SEL1L: variants seen among roughly 807,000 people sequenced by gnomAD.
The protein encoded by SEL1L is protein sel-1 homolog 1.
Under a neutral mutation model 109.8 loss-of-function variants are expected in SEL1L, and 52 were observed. The ratio of observed to expected loss-of-function variants is 0.47; its 90% confidence interval spans 0.38 to 0.60. SEL1L has a LOEUF of 0.60. Ranked by LOEUF, SEL1L falls within the 20% of genes least tolerant of loss-of-function variation. The pLI, the probability that SEL1L is intolerant of heterozygous loss-of-function variation, is 0.00. For missense variants in SEL1L, 749 were observed against 962.2 expected, an observed-to-expected ratio of 0.78 and a Z score of 2.93; for synonymous variants, 373 against 339.6, an observed-to-expected ratio of 1.10 and a Z score of -1.08.
chr14:81,528,533 T>C (rs1030749149), intron 1 of SEL1L, among the ~76,000 whole-genome samples: 1 of 152,196 alleles, frequency 6.6e-6, no homozygotes, highest in Non-Finnish European at 1.5e-5. Flanking sequence ...CTCTTCTTCC[T>C]GCTCTTACAT....
chr14:81,479,697 G>C lies in SEL1L; in HGVS notation c.2090C>G (p.Ala697Gly). 1 of 1,613,918 alleles carries C rather than the reference G, an allele frequency of 6.2e-7. No individual in the cohort carries two copies. The highest frequency in any genetic ancestry group is 8.5e-7 in the Non-Finnish European group (1 of 1,179,914). The stretch of plus-strand genomic sequence containing the variant: ...GACTGGAACTTGTGCATCTGGGCTG[G>C]CTTCAGCTGCCATGTCATAAAAACG... The part of the protein sequence containing the change: ...AKRFYDMAAE[A>G]SPDAQVPVFL... Residue 697 changes from alanine to glycine, a missense_variant, in exon 20 of 21, where the codon GCC (alanine) becomes GGC (glycine). By Grantham distance (60) the Ala-to-Gly change is moderately conservative. Around this residue, in one of 2 missense-constraint regions of SEL1L, gnomAD observed 383 missense variants for 562.5 expected, o/e 0.68. Transcript: ENST00000336735.
intron 10 of SEL1L, among the ~76,000 whole-genome samples, chr14:81,496,045 C>T (rs150352063): frequency 1.3e-5 from 2 of 152,086 alleles, no homozygotes; most frequent in South Asian, 2.1e-4. Context: ...GAATTTGGGC[C>T]GGGCGCGGTG....
chr14:81,516,869 T>G (rs1204491743), intron 3 of SEL1L, among the ~76,000 whole-genome samples: 1 of 152,186 alleles, frequency 6.6e-6, no homozygotes, highest in Non-Finnish European at 1.5e-5. Context: ...CCTTGTTTCC[T>G]CCAGACTTCC....
At chr14:81,505,874 G>A (rs576667503) in intron 4 of SEL1L, among the ~76,000 whole-genome samples, 200 bp downstream of exon 4, 34 of 152,258 alleles carry the variant, frequency 2.2e-4, no homozygotes, top group African/African-American at 7.0e-4. Context: ...TAAATAAAAC[G>A]TGAGTGTGAC....
In SEL1L at chr14:81,479,892, T is replaced by C. The variant is rs1183472538; in HGVS notation, c.2047-152A>G. On this transcript the variant is annotated intron_variant, in intron 19 of 20. Coordinates refer to ENST00000336735, the MANE Select transcript of SEL1L (RefSeq NM_005065.6). ...ACAAAAATGCCAAGCTTTACTTGGGTAAAATTCGTTTAATTATCTAACTGC... is the reference window on the plus strand; with the variant it reads ...ACAAAAATGCCAAGCTTTACTTGGGCAAAATTCGTTTAATTATCTAACTGC... The C allele has an allele frequency of 1.0e-5, 7 of 701,036 alleles. No homozygotes were observed. The East Asian group carries it at 1.7e-4, about 17-fold the overall frequency. 43.4% of individuals were successfully genotyped at this position (701,036 alleles called of 1,614,324 possible). A position where few individuals can be genotyped will look rare whatever the true frequency, so the allele number is the denominator to read the frequency against.
intron 9 of SEL1L, 113 bp downstream of exon 9, chr14:81,498,300 C>T (rs1883859200): frequency 2.2e-6 from 2 of 898,582 alleles, no homozygotes; most frequent in African/African-American, 3.4e-5. Flanking sequence ...AAAGATGAGT[C>T]CACATAAAAG....
chr14:81,486,494 TAAGA>T (rs777018489), intron 16 of SEL1L, 40 bp from the exon 17 acceptor site: 1 of 1,597,552 alleles, frequency 6.3e-7, no homozygotes, highest in South Asian at 1.1e-5. Flanking sequence ...TAGAAGAAAA[TAAGA>T]AAGATATACC....
chr14:81,524,752 G>A (rs967103577), intron 3 of SEL1L, among the ~76,000 whole-genome samples: 1 of 151,936 alleles, frequency 6.6e-6, no homozygotes, highest in Non-Finnish European at 1.5e-5. Context: ...TACGCGCCTG[G>A]TATCCCAGCT....
At chr14:81,494,719 C>T (rs1883674291) in intron 11 of SEL1L, among the ~76,000 whole-genome samples, 1 of 152,230 alleles carries the variant, frequency 6.6e-6, no homozygotes, top group Admixed American at 6.5e-5. Context: ...GTACCTCCTA[C>T]CCATTAACCA....
rs1566978637 is a variant in SEL1L, at chr14:81,506,111, A to C, written c.471T>G (p.Tyr157Ter). The change falls in exon 4 of 21, where the codon TAT becomes TAG. Residue 157 changes from tyrosine to a stop codon, truncating the protein, a stop_gained. Coordinates refer to ENST00000336735, the MANE Select transcript of SEL1L (RefSeq NM_005065.6). LOFTEE classifies it high-confidence loss of function. ...EDGRLWCATTYDYKADEKWGF... is the reference protein window; with the variant it reads ...EDGRLWCATT Reference sequence around the variant, plus strand: ...CCCACTTTTCATCTGCTTTGTAGTCATAGGTTGTAGCACACCACAGTCTGC... The same window carrying C: ...CCCACTTTTCATCTGCTTTGTAGTCCTAGGTTGTAGCACACCACAGTCTGC... 1 of 1,613,954 alleles carries C rather than the reference A, an allele frequency of 6.2e-7. No homozygotes were observed. Among genetic ancestry groups the C allele is most frequent in the Non-Finnish European group, 8.5e-7 (1 of 1,179,854 alleles).
chr14:81,477,336 T>TGTG (rs1555412243), intron 20 of SEL1L, among the ~76,000 whole-genome samples, 155 bp from the exon 21 acceptor site: 2 of 151,392 alleles, frequency 1.3e-5, no homozygotes, highest in South Asian at 2.1e-4. Context: ...TGTGTGTGTG[T>TGTG]TTAAAGCGGT....
intron 3 of SEL1L, among the ~76,000 whole-genome samples, chr14:81,515,242 C>G (rs1471296432): frequency 6.6e-6 from 1 of 152,226 alleles, no homozygotes; most frequent in African/African-American, 2.4e-5. Context: ...TCCTCCCTCT[C>G]TGATTTAAAG....
At chr14:81,503,548 A>C (rs1342792188) in intron 5 of SEL1L, among the ~76,000 whole-genome samples, 5 of 152,156 alleles carry the variant, frequency 3.3e-5, no homozygotes, top group African/African-American at 1.2e-4. Flanking sequence ...TATGCTGCCC[A>C]GATTGGCTAG....
intron 5 of SEL1L, among the ~76,000 whole-genome samples, chr14:81,503,473 G>A (rs1284922962): frequency 6.6e-6 from 1 of 151,998 alleles, no homozygotes; most frequent in African/African-American, 2.4e-5. Context: ...CCAAGTAGCA[G>A]GGACCACAGT....
Position 81,506,072 on chromosome 14 carries a change from ACTTT to A in SEL1L, c.506_508+1del. 6.2e-7 allele frequency: 1 copy of A among 1,613,460 alleles called. No homozygotes were observed. ...ATCTGCCTCCTACTGAGCAATACTT[ACTTT>A]CACAAAAGCCCCACTTTTCATCTGC... On this transcript the variant is annotated splice_donor_variant and coding_sequence_variant, in exon 4 of 21. Coordinates refer to ENST00000336735, the MANE Select transcript of SEL1L (RefSeq NM_005065.6). LOFTEE classifies it high-confidence loss of function.
At chr14:81,485,274 AT>A (rs1234633170) in intron 18 of SEL1L, among the ~76,000 whole-genome samples, 1 of 152,056 alleles carries the variant, frequency 6.6e-6, no homozygotes, top group Non-Finnish European at 1.5e-5. Context: ...TCTCTGCTTA[AT>A]TAATTATTTT....
intron 3 of SEL1L, 31 bp from the exon 4 acceptor site, chr14:81,506,272 T>C (rs746591156): frequency 4.0e-5 from 61 of 1,532,544 alleles, no homozygotes. Context: ...AATCTAAACA[T>C]GAAACAACAC....
chr14:81,478,154 G>A (rs920572835), intron 20 of SEL1L, among the ~76,000 whole-genome samples: 1 of 152,026 alleles, frequency 6.6e-6, no homozygotes, highest in African/African-American at 2.4e-5. Context: ...TAAACATGGG[G>A]TATAATTTTA....
rs1385379595 is a variant in SEL1L at position 81,472,612 on chromosome 14, GATAA to G, written c.*4356_*4359del. The G allele has an allele frequency of 8.8e-6, 4 of 453,908 alleles. No homozygotes were observed. The highest frequency in any genetic ancestry group is 6.1e-5 in the African/African-American group (3 of 49,536). 28.1% of individuals were successfully genotyped at this position (453,908 alleles called of 1,614,324 possible). On this transcript the variant is annotated 3_prime_UTR_variant, in exon 21 of 21. Transcript: ENST00000336735. ...CAAGGCAATGCATAAACAAACTTTA[GATAA>G]ATAATATTATAATCAGGCTAAAGTG...
Sources: allele counts gnomAD v4.1 joint callset (sites outside exome capture counted in the v4.1 genomes callset), GRCh38; gene constraint gnomAD v4.1.1; regional missense constraint gnomAD v4.1.1; transcripts MANE v1.5; gene names NCBI Gene and HGNC (gene_info 2026-07-23, HGNC 2026-07-21).